ALX4: variants seen among roughly 807,000 people sequenced by gnomAD.
ALX4 encodes ALX homeobox 4.
ALX4 carries 22 observed loss-of-function variants against 40.6 expected under a neutral mutation model. The ratio of observed to expected loss-of-function variants is 0.54; its 90% CI spans 0.39 to 0.77. ALX4 has a LOEUF of 0.77. ALX4 is among the 30% of genes least tolerant of loss of function. The pLI is 0.00. For synonymous variants in ALX4, 266 were observed against 240.5 expected, an observed-to-expected ratio of 1.11 and a Z score of -0.98; for missense variants, 556 against 564.8, an observed-to-expected ratio of 0.98 and a Z score of 0.16.
At chr11:44,275,259 G>C in intron 2 of ALX4, 89 bp downstream of exon 2, 6 of 1,339,854 alleles carry the variant, frequency 4.5e-6, no homozygotes, top group Non-Finnish European at 5.3e-6. Context: ...TGGTGTGGTT[G>C]GTGGGCAGTC....
intron 1 of ALX4, among the ~76,000 whole-genome samples, chr11:44,309,180 TCGCAGCCCCGCAGCCCCGCAGCCCCGCA>T (rs1956489003): frequency 7.2e-6 from 1 of 138,668 alleles, no homozygotes; most frequent in African/African-American, 2.6e-5. Context: ...CCCCGCAGCC[TCGCAGCCCCGCAGCCCCGCAGCCCCGCA>T]GCCCCGCAGC....
chr11:44,310,039 A>G lies in ALX4; in HGVS notation c.24T>C (p.Ser8=), dbSNP rs755972714. The G allele has an allele frequency of 2.2e-5, 35 of 1,600,550 alleles. 1 individual carries two copies. The highest frequency in any genetic ancestry group is 2.9e-5 in the Non-Finnish European group (34 of 1,174,070). MNAETCV[S]YCESPAAAMD... Reference sequence around the variant, plus strand: ...TGGCAGCGGCCGGCGACTCGCAGTAAGAGACGCAAGTCTCAGCATTCATGC... The same window carrying G: ...TGGCAGCGGCCGGCGACTCGCAGTAGGAGACGCAAGTCTCAGCATTCATGC... Residue 8 remains serine, a synonymous_variant, in exon 1 of 4, where the codon TCT becomes TCC. Transcript: ENST00000652299.
In ALX4 at chr11:44,261,135, G is replaced by C. The variant is rs1410150242; in HGVS notation, c.*3719C>G. ...TCACAGAGTATTATCCTGGGGGCCA[G>C]TTTACCAACCATCCTCCCCCAGCTA... On this transcript the variant is annotated 3_prime_UTR_variant, in exon 4 of 4. Coordinates refer to ENST00000652299, the MANE Select transcript of ALX4 (RefSeq NM_021926.4). 6.6e-6 allele frequency: 1 copy of C among 152,164 alleles called. No individual in the cohort carries two copies. Among genetic ancestry groups the C allele is most frequent in the Non-Finnish European group, 1.5e-5 (1 of 68,054 alleles). The allele number at this position is 152,164 out of a possible 1,614,324, so 9.4% of individuals were successfully genotyped here. A position where few individuals can be genotyped will look rare whatever the true frequency, so the allele number is the denominator to read the frequency against.
rs200122905 is a variant in ALX4 at position 44,264,876 on chromosome 11, G to C, written c.1214C>G (p.Ala405Gly). 12 of 1,612,762 alleles carry C rather than the reference G, an allele frequency of 7.4e-6. No individual in the cohort carries two copies. In the Admixed American group the frequency reaches 2.0e-4, roughly 27 times the overall value. Reference protein sequence around the residue: ...ALRMKAKEHSAAISWAT With the variant: ...ALRMKAKEHSGAISWAT Reference sequence around the variant, plus strand: ...CTGTCATGTGGCCCAGGAAATGGCCGCACTGTGCTCCTTGGCCTTCATGCG... The same window carrying C: ...CTGTCATGTGGCCCAGGAAATGGCCCCACTGTGCTCCTTGGCCTTCATGCG... The change falls in exon 4 of 4, where the codon GCG becomes GGG. Residue 405 changes from alanine to glycine, a missense_variant. Coordinates refer to ENST00000652299, the MANE Select transcript of ALX4 (RefSeq NM_021926.4).
intron 1 of ALX4, among the ~76,000 whole-genome samples, chr11:44,295,488 G>A (rs1485278021): frequency 6.6e-6 from 1 of 152,270 alleles, no homozygotes; most frequent in Non-Finnish European, 1.5e-5. Flanking sequence ...GGCCGGGGAA[G>A]TTCCTAGGAA....
chr11:44,298,782 C>A (rs369091710), intron 1 of ALX4, among the ~76,000 whole-genome samples: 1 of 91,308 alleles, frequency 1.1e-5, no homozygotes, highest in South Asian at 4.4e-4. Flanking sequence ...CTACACCCCA[C>A]AGGAAACCCT....
At chr11:44,265,288 C>T in intron 3 of ALX4, 105 bp from the exon 4 acceptor site, 1 of 1,106,714 alleles carries the variant, frequency 9.0e-7, no homozygotes, top group Non-Finnish European at 1.3e-6. Flanking sequence ...CCATCCTTCC[C>T]ATGAAGCCCC....
intron 1 of ALX4, among the ~76,000 whole-genome samples, chr11:44,293,398 G>A (rs1212279184): frequency 1.6e-5 from 2 of 128,672 alleles, no homozygotes; most frequent in Non-Finnish European, 3.3e-5. Flanking sequence ...GGCCAACATG[G>A]CAAAACCCCA....
intron 1 of ALX4, among the ~76,000 whole-genome samples, chr11:44,292,409 G>T (rs1273326141): frequency 7.2e-6 from 1 of 139,056 alleles, no homozygotes; most frequent in Non-Finnish European, 1.5e-5. Context: ...TTGTAGAGAC[G>T]AGGTGTCACT....
intron 1 of ALX4, among the ~76,000 whole-genome samples, chr11:44,308,035 G>C (rs988772060): frequency 3.3e-5 from 5 of 152,190 alleles, no homozygotes; most frequent in Non-Finnish European, 7.4e-5. Context: ...ATTCCAACTG[G>C]AGGTGAAGAG....
At chr11:44,275,219 G>T (rs926478089) in intron 2 of ALX4, 129 bp downstream of exon 2, 2 of 954,374 alleles carry the variant, frequency 2.1e-6, no homozygotes, top group East Asian at 2.6e-5. Flanking sequence ...CCACTTTCAG[G>T]TTCTCAATGA....
chr11:44,306,724 T>C (rs758929126), intron 1 of ALX4, among the ~76,000 whole-genome samples: 4 of 152,208 alleles, frequency 2.6e-5, no homozygotes, highest in Admixed American at 2.6e-4. Flanking sequence ...CTCACAACTG[T>C]GGGAGAGAAT....
chr11:44,310,094 C>G lies in ALX4; in HGVS notation c.-32G>C. Reference sequence around the variant, plus strand: ...CTTGCGCAGGCGGCGGGCGGGGACGCGAGCGAGGGCGCGAGGACGCCACCG... The same window carrying G: ...CTTGCGCAGGCGGCGGGCGGGGACGGGAGCGAGGGCGCGAGGACGCCACCG... On this transcript the variant is annotated 5_prime_UTR_variant, in exon 1 of 4. Transcript: ENST00000652299. The G allele has an allele frequency of 6.5e-7, 1 of 1,548,438 alleles. No homozygotes were observed.
intron 1 of ALX4, among the ~76,000 whole-genome samples, chr11:44,309,164 C>CCGCAGCCT (rs1956488325): frequency 8.1e-6 from 1 of 123,264 alleles, no homozygotes; most frequent in African/African-American, 3.3e-5. Context: ...TCCCGCAGCC[C>CCGCAGCCT]CGCAGCCCCG....
At chr11:44,278,112 G>A (rs1956288395) in intron 1 of ALX4, among the ~76,000 whole-genome samples, 2 of 151,624 alleles carry the variant, frequency 1.3e-5, no homozygotes, top group East Asian at 1.9e-4. Flanking sequence ...AGGGAGGTGA[G>A]CACTGAGCCC....
intron 1 of ALX4, among the ~76,000 whole-genome samples, chr11:44,298,385 T>C (rs183918143): frequency 1.1e-3 from 170 of 152,238 alleles, no homozygotes; most frequent in African/African-American, 3.3e-3. Flanking sequence ...TCAGATGGCA[T>C]CCTGGCCAGA....
chr11:44,273,713 A>T (rs1405707519), intron 2 of ALX4, among the ~76,000 whole-genome samples: 2 of 152,182 alleles, frequency 1.3e-5, no homozygotes, highest in African/African-American at 2.4e-5. Flanking sequence ...GCAGTATGGG[A>T]GGCTGAGGTG....
chr11:44,309,759 G>GCGGCTGGGGCTGCGGGGTCGA lies in ALX4; in HGVS notation c.283_303dup (p.Ser95_Pro101dup). On this transcript the variant is annotated inframe_insertion, in exon 1 of 4. Coordinates refer to ENST00000652299, the MANE Select transcript of ALX4 (RefSeq NM_021926.4). ...TGCTGCTGCGGCTGCGGCTGCGGCGGCGGCTGGGGCTGCGGGGTCGACGGC... is the reference window on the plus strand; with the variant it reads ...TGCTGCTGCGGCTGCGGCTGCGGCGGCGGCTGGGGCTGCGGGGTCGACGGCTGGGGCTGCGGGGTCGACGGC... The GCGGCTGGGGCTGCGGGGTCGA allele has an allele frequency of 1.9e-6, 3 of 1,547,030 alleles. No individual in the cohort carries two copies. In the African/African-American group the frequency reaches 4.1e-5, roughly 21 times the overall value.
intron 1 of ALX4, among the ~76,000 whole-genome samples, chr11:44,294,911 G>A (rs1431081440): frequency 6.6e-6 from 1 of 152,034 alleles, no homozygotes; most frequent in Admixed American, 6.6e-5. Context: ...GTGCAATGGT[G>A]TGGTCTCGGC....
Sources: gnomAD v4.1 joint callset for allele counts (sites outside exome capture counted in the v4.1 genomes callset) on GRCh38, gnomAD v4.1.1 for gene constraint, MANE v1.5 for transcripts, NCBI Gene and HGNC (gene_info 2026-07-23, HGNC 2026-07-21) for gene names.